CCDC134: variants seen among roughly 807,000 people sequenced by gnomAD.
CCDC134 encodes the protein coiled-coil domain containing 134, also known as coiled-coil domain-containing protein 134.
In CCDC134, 27 loss-of-function variants were observed where a neutral mutation model predicts 25.6. That is an observed-to-expected ratio of 1.05 (90% CI 0.78 to 1.45). The LOEUF is 1.45. Among genes scored for constraint, CCDC134 ranks in the 40% most tolerant of loss-of-function variants. CCDC134 has a pLI of 0.00. For missense variants in CCDC134, 261 were observed against 286.7 expected (o/e 0.91, Z 0.65); for synonymous variants, 110 against 115.0 (o/e 0.96, Z 0.28).
rs772272070 is a variant in CCDC134 at position 41,808,905 on chromosome 22, A to G, written c.15A>G (p.Gln5=). The change falls in exon 2 of 7, where the codon CAA becomes CAG. Residue 5 remains glutamine, a synonymous_variant. Transcript: ENST00000255784. ...GAGGTTTGGATATGGACCTTCTTCA[A>G]TTCCTGGCCTTCCTCTTTGTCCTGC... The part of the protein sequence containing the change: MDLL[Q]FLAFLFVLLL... 9 of 1,614,100 alleles carry G rather than the reference A, an allele frequency of 5.6e-6. No homozygotes were observed. The highest frequency in any genetic ancestry group is 7.6e-6 in the Non-Finnish European group (9 of 1,180,000).
chr22:41,813,656 A>T lies in CCDC134; in HGVS notation c.493-95A>T, dbSNP rs547694860. The T allele has an allele frequency of 2.2e-6, 3 of 1,384,296 alleles. No individual in the cohort carries two copies. In the East Asian group the frequency reaches 6.8e-5, roughly 32 times the overall value. The allele number at this position is 1,384,296 out of a possible 1,614,324, so 85.8% of individuals were successfully genotyped here. ...TCATCATGTGGCCCACATCTGCCCA[A>T]GTCAGGAGTCTGGGTCCCAGCATGG... On this transcript the variant is annotated intron_variant, in intron 5 of 6. Transcript: ENST00000255784.
rs571541895 is a variant in CCDC134, at chr22:41,829,741, C to G, written c.*3918C>G. Among the ~76,000 whole-genome samples, 1 of 152,248 alleles carries G rather than the reference C, an allele frequency of 6.6e-6. No individual in the cohort carries two copies. Among genetic ancestry groups the G allele is most frequent in the East Asian group, 1.9e-4 (1 of 5,186 alleles). On this transcript the variant is annotated 3_prime_UTR_variant, in exon 7 of 7. Coordinates refer to ENST00000255784, the MANE Select transcript of CCDC134 (RefSeq NM_024821.5). Reference sequence around the variant, plus strand: ...GGTAGATATCGAAACATAGTGGTTACCCAGTCTAATCCATCCCTTTTCTTT... The same window carrying G: ...GGTAGATATCGAAACATAGTGGTTAGCCAGTCTAATCCATCCCTTTTCTTT...
chr22:41,808,875 C>G lies in CCDC134; in HGVS notation c.-16C>G. 6.2e-7 allele frequency: 1 copy of G among 1,603,996 alleles called. No individual in the cohort carries two copies. On this transcript the variant is annotated splice_region_variant and 5_prime_UTR_variant, in exon 2 of 7. Transcript: ENST00000255784. ...CTCTTTCTTTGGGTTATTCTTCCAGCTCAAGAGGTTTGGATATGGACCTTC... is the reference window on the plus strand; with the variant it reads ...CTCTTTCTTTGGGTTATTCTTCCAGGTCAAGAGGTTTGGATATGGACCTTC...
Position 41,827,056 on chromosome 22 carries a change from A to G in CCDC134, c.*1233A>G, listed in dbSNP as rs1472039255. Among the ~76,000 whole-genome samples the G allele has an allele frequency of 1.3e-5, 2 of 152,196 alleles. No homozygotes were observed. Among genetic ancestry groups the G allele is most frequent in the Non-Finnish European group, 2.9e-5 (2 of 68,042 alleles). ...GCAAAATGAATTTGATGGTATCTGT[A>G]TCCCCTGCCCAGCCCTAACCTGTTT... On this transcript the variant is annotated 3_prime_UTR_variant, in exon 7 of 7. Coordinates refer to ENST00000255784, the MANE Select transcript of CCDC134 (RefSeq NM_024821.5).
intron 6 of CCDC134, among the ~76,000 whole-genome samples, chr22:41,824,099 TGGAATGTGCTGTCTGG>T (rs1396066847): frequency 6.6e-6 from 1 of 152,112 alleles, no homozygotes; most frequent in Admixed American, 6.6e-5. Context: ...CCTACCCTCA[TGGAATGTGCTGTCTGG>T]GAGGGCGATG....
chr22:41,810,896 G>T (rs1473737416), intron 4 of CCDC134, among the ~76,000 whole-genome samples: 2 of 152,072 alleles, frequency 1.3e-5, no homozygotes, highest in African/African-American at 4.8e-5. Context: ...CCATAACTCT[G>T]GGGGAAGACA....
At chr22:41,801,230 G>A (rs1449344064) in intron 1 of CCDC134, among the ~76,000 whole-genome samples, 1 of 152,128 alleles carries the variant, frequency 6.6e-6, no homozygotes, top group Non-Finnish European at 1.5e-5. Flanking sequence ...CTTGAGTTTG[G>A]AGCAGGAGGT....
chr22:41,806,359 C>T (rs1344462835), intron 1 of CCDC134, among the ~76,000 whole-genome samples: 1 of 151,786 alleles, frequency 6.6e-6, no homozygotes, highest in East Asian at 1.9e-4. Context: ...GCTGAGATTA[C>T]AGGCACATGC....
intron 6 of CCDC134, among the ~76,000 whole-genome samples, chr22:41,823,878 A>T (rs576941726): frequency 1.0e-3 from 153 of 152,384 alleles, no homozygotes; most frequent in African/African-American, 3.3e-3. Context: ...CCACACAGAC[A>T]GTGGCCCTGG....
chr22:41,820,415 T>A (rs1175419623), intron 6 of CCDC134, among the ~76,000 whole-genome samples: 1 of 152,160 alleles, frequency 6.6e-6, no homozygotes, highest in Non-Finnish European at 1.5e-5. Flanking sequence ...TTCTCCTGCC[T>A]CAGCCTCCTG....
Position 41,809,579 on chromosome 22 carries a change from G to A in CCDC134, c.104-300G>A, listed in dbSNP as rs533832473. On this transcript the variant is annotated intron_variant, in intron 2 of 6. Coordinates refer to ENST00000255784, the MANE Select transcript of CCDC134 (RefSeq NM_024821.5). ...GGTGCAGCGCGAGCAGAGAGGTGGA[G>A]GCTCTGGAACAGTAGAATGCTTGTG... Among the ~76,000 whole-genome samples the A allele has an allele frequency of 2.0e-5, 3 of 152,306 alleles. No homozygotes were observed. In the East Asian group the frequency reaches 5.8e-4, roughly 29 times the overall value.
intron 1 of CCDC134, among the ~76,000 whole-genome samples, chr22:41,802,445 G>A (rs942201561): frequency 2.0e-5 from 3 of 152,132 alleles, no homozygotes; most frequent in African/African-American, 7.2e-5. Flanking sequence ...GTTGGGAGCA[G>A]GGGCTCACGT....
At chr22:41,823,311 G>A (rs764874564) in intron 6 of CCDC134, among the ~76,000 whole-genome samples, 3 of 136,784 alleles carry the variant, frequency 2.2e-5, no homozygotes, top group East Asian at 2.3e-4. Context: ...TGCAACCCCC[G>A]CCTCCTGGGT....
chr22:41,813,879 C>T (rs2076610220), intron 6 of CCDC134, 57 bp downstream of exon 6: 3 of 1,529,520 alleles, frequency 2.0e-6, no homozygotes, highest in Non-Finnish European at 2.7e-6. Context: ...CCATAGGACA[C>T]CGAGGCCTGC....
rs866324720 is a variant in CCDC134 at position 41,830,890 on chromosome 22, T to C, written c.*5067T>C. On this transcript the variant is annotated 3_prime_UTR_variant, in exon 7 of 7. Coordinates refer to ENST00000255784, the MANE Select transcript of CCDC134 (RefSeq NM_024821.5). The stretch of plus-strand genomic sequence containing the variant: ...TTATTTTTTCTTTTCTTTTCTTTTT[T>C]TTTTTTTTTTTTTTTTGAGACGCAG... Among the ~76,000 whole-genome samples, 42,123 of 136,666 alleles carry C rather than the reference T, an allele frequency of 0.31. 6,618 individuals carry two copies. Among genetic ancestry groups the C allele is most frequent in the Non-Finnish European group, 0.41 (25,951 of 63,844 alleles). The allele number at this position is 136,666 out of a possible 152,430, so 89.7% of individuals were successfully genotyped here. A position where few individuals can be genotyped will look rare whatever the true frequency, so the allele number is the denominator to read the frequency against.
chr22:41,819,516 G>C (rs1283535681), intron 6 of CCDC134, among the ~76,000 whole-genome samples: 1 of 152,190 alleles, frequency 6.6e-6, no homozygotes, highest in Non-Finnish European at 1.5e-5. Context: ...CATCAAGTGA[G>C]TATCTATTGC....
chr22:41,801,579 G>A (rs1486250760), intron 1 of CCDC134, among the ~76,000 whole-genome samples: 2 of 152,160 alleles, frequency 1.3e-5, no homozygotes, highest in Non-Finnish European at 2.9e-5. Flanking sequence ...TGTAATCTGA[G>A]TGTGAGACCT....
chr22:41,828,901 T>C lies in CCDC134; in HGVS notation c.*3078T>C, dbSNP rs1439087368. ...CAACAGTGGTGTTTTCAGTGTGATC[T>C]TGGACATTGCTCCTGTCTACTCAGC... On this transcript the variant is annotated 3_prime_UTR_variant, in exon 7 of 7. Coordinates refer to ENST00000255784, the MANE Select transcript of CCDC134 (RefSeq NM_024821.5). Among the ~76,000 whole-genome samples the C allele has an allele frequency of 6.6e-6, 1 of 152,202 alleles. No homozygotes were observed. The highest frequency in any genetic ancestry group is 6.5e-5 in the Admixed American group (1 of 15,272).
chr22:41,826,056 G>T lies in CCDC134; in HGVS notation c.*233G>T. Reference sequence around the variant, plus strand: ...AGGGGCCTTCAGAGGATTTTATGCTGGAAATATGACCCTGTGCAGACTGCT... The same window carrying T: ...AGGGGCCTTCAGAGGATTTTATGCTTGAAATATGACCCTGTGCAGACTGCT... On this transcript the variant is annotated 3_prime_UTR_variant, in exon 7 of 7. Coordinates refer to ENST00000255784, the MANE Select transcript of CCDC134 (RefSeq NM_024821.5). 2.0e-6 allele frequency: 1 copy of T among 490,186 alleles called. No individual in the cohort carries two copies. The highest frequency in any genetic ancestry group is 3.7e-6 in the Non-Finnish European group (1 of 269,646). 30.4% of individuals were successfully genotyped at this position (490,186 alleles called of 1,614,324 possible). A position where few individuals can be genotyped will look rare whatever the true frequency, so the allele number is the denominator to read the frequency against.
Sources: allele counts gnomAD v4.1 joint callset (sites outside exome capture counted in the v4.1 genomes callset), GRCh38; gene constraint gnomAD v4.1.1; transcripts MANE v1.5; gene names NCBI Gene and HGNC (gene_info 2026-07-23, HGNC 2026-07-21).